The following DGKB variants were observed in gnomAD, a reference collection of about 807,000 sequenced individuals.
DGKB encodes diacylglycerol kinase beta.
DGKB carries 67 observed loss-of-function variants against 114.3 expected under a neutral mutation model. The ratio of observed to expected loss-of-function variants is 0.59; its 90% CI spans 0.48 to 0.72. DGKB has a LOEUF of 0.72. DGKB is among the 30% of genes least tolerant of loss of function. The probability of loss-of-function intolerance (pLI) is 0.00; values close to 1 mark genes in which losing one functional copy is unlikely to be tolerated. For missense variants in DGKB, 907 were observed against 975.2 expected (o/e 0.93, Z 0.93); for synonymous variants, 398 against 323.1 (o/e 1.23, Z -2.49).
chr7:14,500,463 A>G lies in DGKB; in HGVS notation c.1771-22238T>C, dbSNP rs547681395. Among the ~76,000 whole-genome samples, 4 of 145,042 alleles carry G rather than the reference A, an allele frequency of 2.8e-5. No individual in the cohort carries two copies. In the South Asian group the frequency reaches 8.5e-4, roughly 31 times the overall value. ...AAGATAAGAAAATGAACCAAACTAA[A>G]AAGTTTCTTTATTTTTTTTTTTGCT... is the stretch of plus-strand genomic sequence containing the variant. On this transcript the variant is annotated intron_variant, in intron 20 of 25. Coordinates refer to ENST00000402815, the MANE Select transcript of DGKB (RefSeq NM_001350709.2).
At chr7:14,849,418 A>G (rs1849054492) in intron 1 of DGKB, among the ~76,000 whole-genome samples, 1 of 152,094 alleles carries the variant, frequency 6.6e-6, no homozygotes, top group African/African-American at 2.4e-5. Flanking sequence ...GATGGGATTA[A>G]TGCCTTTATA....
Position 14,934,064 on chromosome 7 carries a change from T to C in DGKB, c.-188+40632A>G, listed in dbSNP as rs145268705. On this transcript the variant is annotated intron_variant, in intron 1 of 4. Coordinates refer to the DGKB transcript ENST00000437998. Reference sequence around the variant, plus strand: ...ACTATGGGCCTGAATACCCTTTTGTTGTTTTATTTCTGCAGAAGATCAATT... The same window carrying C: ...ACTATGGGCCTGAATACCCTTTTGTCGTTTTATTTCTGCAGAAGATCAATT... Among the ~76,000 whole-genome samples the C allele has an allele frequency of 8.1e-3, 1,226 of 152,232 alleles. 65 individuals are homozygous for C. Among genetic ancestry groups the C allele is most frequent in the Admixed American group, 0.075 (1,139 of 15,266 alleles).
At chr7:14,953,966 G>C (rs1036659920) in intron 1 of DGKB, among the ~76,000 whole-genome samples, 5 of 152,050 alleles carry the variant, frequency 3.3e-5, no homozygotes, top group African/African-American at 1.2e-4. Context: ...TTTCCCACCA[G>C]CCCAACTGAA....
rs182748517 is a variant in DGKB at position 14,782,412 on chromosome 7, A to G, written c.71-24681T>C. ...TAATATTTTGTTTCTTCAACCTTGG[A>G]AAAAAAACTTTCACCCTCTAACTGG... On this transcript the variant is annotated intron_variant, in intron 2 of 25. Transcript: ENST00000402815. Among the ~76,000 whole-genome samples the G allele has an allele frequency of 9.9e-5, 15 of 152,184 alleles. No homozygotes were observed. In the East Asian group the frequency reaches 2.5e-3, roughly 25 times the overall value.
In DGKB at chr7:14,260,109, AACACACAC is replaced by A. The variant is rs72000049; in HGVS notation, c.2122+78398_2122+78405del. Among the ~76,000 whole-genome samples, 388 of 142,880 alleles carry A rather than the reference AACACACAC, an allele frequency of 2.7e-3. 2 individuals are homozygous for A. Among genetic ancestry groups the A allele is most frequent in the East Asian group, 7.4e-3 (34 of 4,608 alleles). The allele number at this position is 142,880 out of a possible 152,430, so 93.7% of individuals were successfully genotyped here. A position where few individuals can be genotyped will look rare whatever the true frequency, so the allele number is the denominator to read the frequency against. On this transcript the variant is annotated intron_variant, in intron 23 of 25. Coordinates refer to ENST00000402815, the MANE Select transcript of DGKB (RefSeq NM_001350709.2). ...GTGTACACACACACACACACACATG[AACACACAC>A]ACACACACACACACACACACAGTTG...
At chr7:14,493,097 G>A (rs527565675) in intron 20 of DGKB, among the ~76,000 whole-genome samples, 1 of 152,152 alleles carries the variant, frequency 6.6e-6, no homozygotes, top group Admixed American at 6.6e-5. Flanking sequence ...TCTCTAATTA[G>A]GCAAGTATAT....
intron 14 of DGKB, among the ~76,000 whole-genome samples, chr7:14,624,235 T>C (rs1264029758): frequency 6.6e-6 from 1 of 152,124 alleles, no homozygotes; most frequent in Non-Finnish European, 1.5e-5. Flanking sequence ...TGTTGGTGAG[T>C]GTGGAAATAA....
At chr7:14,174,136 ACT>A (rs1274990261) in intron 25 of DGKB, among the ~76,000 whole-genome samples, 1 of 152,002 alleles carries the variant, frequency 6.6e-6, no homozygotes, top group African/African-American at 2.4e-5. Context: ...AAGGTCACAC[ACT>A]CTGGAGGGAG....
At chr7:14,226,305 TCTGAC>T (rs1378069159) in intron 23 of DGKB, among the ~76,000 whole-genome samples, 6 of 152,014 alleles carry the variant, frequency 3.9e-5, no homozygotes, top group Non-Finnish European at 8.8e-5. Context: ...CTTCATTATT[TCTGAC>T]CTGATATGAA....
At chr7:14,164,398 T>C (rs1009222209) in intron 25 of DGKB, among the ~76,000 whole-genome samples, 1 of 152,212 alleles carries the variant, frequency 6.6e-6, no homozygotes, top group East Asian at 1.9e-4. Flanking sequence ...AAGGCTACTA[T>C]CCAGATAATG....
intron 23 of DGKB, among the ~76,000 whole-genome samples, chr7:14,241,530 T>G (rs1793641024): frequency 1.3e-5 from 2 of 152,120 alleles, no homozygotes; most frequent in Non-Finnish European, 2.9e-5. Context: ...AGAAATCAGC[T>G]GACTTTAAGT....
rs1467226671 is a variant in DGKB at position 14,698,308 on chromosome 7, T to C, written c.517-139A>G. 4.0e-5 allele frequency: 21 copies of C among 528,342 alleles called. No individual in the cohort carries two copies. The East Asian group carries it at 7.3e-4, about 18-fold the overall frequency. 32.7% of individuals were successfully genotyped at this position (528,342 alleles called of 1,614,324 possible). ...TATGGGAATATATATATGTACATAA[T>C]CCTTTTTAAAGGTCTAATTAACTAT... On this transcript the variant is annotated intron_variant, in intron 7 of 25. Coordinates refer to ENST00000402815, the MANE Select transcript of DGKB (RefSeq NM_001350709.2).
At chr7:14,579,113 C>T (rs1460529721) in intron 19 of DGKB, among the ~76,000 whole-genome samples, 1 of 152,140 alleles carries the variant, frequency 6.6e-6, no homozygotes, top group Non-Finnish European at 1.5e-5. Context: ...ATTATTCATT[C>T]TTCTGATTCT....
Position 14,304,551 on chromosome 7 carries a change from C to G in DGKB, c.2122+33964G>C, listed in dbSNP as rs76885393. Among the ~76,000 whole-genome samples the G allele has an allele frequency of 2.9e-3, 447 of 152,226 alleles. 2 individuals carry two copies. The highest frequency in any genetic ancestry group is 5.2e-3 in the Non-Finnish European group (357 of 68,004). On this transcript the variant is annotated intron_variant, in intron 23 of 25. Coordinates refer to ENST00000402815, the MANE Select transcript of DGKB (RefSeq NM_001350709.2). ...TTGCTGGTTTAGTTTTTTTGCATTA[C>G]AGCCCAAACAGATTGTTTTCTTTTC...
intron 1 of DGKB, among the ~76,000 whole-genome samples, chr7:14,973,323 T>C (rs923420538): frequency 1.1e-4 from 17 of 151,872 alleles, no homozygotes; most frequent in Non-Finnish European, 5.9e-5. Context: ...TCCTCATCTA[T>C]ATTGTGTATA....
At chr7:14,826,123 C>A (rs1412776212) in intron 2 of DGKB, among the ~76,000 whole-genome samples, 1 of 152,120 alleles carries the variant, frequency 6.6e-6, no homozygotes, top group Admixed American at 6.6e-5. Context: ...GTGAGCCAAG[C>A]CTTTAAGTGC....
At chr7:14,181,538 G>C (rs989050714) in intron 23 of DGKB, among the ~76,000 whole-genome samples, 4 of 152,158 alleles carry the variant, frequency 2.6e-5, no homozygotes, top group African/African-American at 7.2e-5. Flanking sequence ...AAAGAAAGTA[G>C]AACAGTTTAA....
intron 21 of DGKB, among the ~76,000 whole-genome samples, chr7:14,396,760 A>C (rs10215028): frequency 0.16 from 24,508 of 152,134 alleles, 2,717 homozygotes; most frequent in African/African-American, 0.3. Context: ...ATCCACACCA[A>C]GCTCTCTTTT....
intron 13 of DGKB, among the ~76,000 whole-genome samples, chr7:14,670,530 C>T (rs928711752): frequency 2.0e-5 from 3 of 151,950 alleles, no homozygotes; most frequent in Admixed American, 1.3e-4. Context: ...GTCTTGAACT[C>T]CTGACCTCAA....
Sources: allele counts gnomAD v4.1 joint callset (sites outside exome capture counted in the v4.1 genomes callset), GRCh38; gene constraint gnomAD v4.1.1; transcripts MANE v1.5; gene names NCBI Gene and HGNC (gene_info 2026-07-23, HGNC 2026-07-21).